Variants in PLXNA4 observed in about 807,000 individuals in gnomAD.
The protein encoded by PLXNA4 is plexin-A4.
A neutral mutation model predicts 191.8 loss-of-function variants in PLXNA4; 44 were observed. The ratio of observed to expected loss-of-function variants is 0.23; its 90% CI spans 0.18 to 0.29. The LOEUF is 0.29. Among genes scored for constraint, PLXNA4 ranks in the 10% least tolerant of loss-of-function variants. The pLI is 1.00. For missense variants in PLXNA4, 1,800 were observed against 2,488.8 expected, an observed-to-expected ratio of 0.72 and a Z score of 5.89; for synonymous variants, 1,082 against 1,009.5, an observed-to-expected ratio of 1.07 and a Z score of -1.36.
intron 2 of PLXNA4, among the ~76,000 whole-genome samples, chr7:132,590,438 G>A (rs1650722716): frequency 6.6e-6 from 1 of 152,204 alleles, no homozygotes; most frequent in South Asian, 2.1e-4. Context: ...TAGGCCATCT[G>A]CAAGTTGAGG....
intron 25 of PLXNA4, among the ~76,000 whole-genome samples, chr7:132,155,287 C>A (rs1004466259): frequency 9.2e-5 from 14 of 152,164 alleles, no homozygotes; most frequent in African/African-American, 2.7e-4. Flanking sequence ...AACCTGGGCC[C>A]AGGCACTGTG....
At chr7:132,259,026 A>G (rs1799529008) in intron 4 of PLXNA4, among the ~76,000 whole-genome samples, 1 of 152,168 alleles carries the variant, frequency 6.6e-6, no homozygotes, top group South Asian at 2.1e-4. Context: ...TGCCACGGTA[A>G]TCTAATCATA....
intron 3 of PLXNA4, among the ~76,000 whole-genome samples, chr7:132,398,211 T>C (rs1793838598): frequency 6.6e-6 from 1 of 152,208 alleles, no homozygotes; most frequent in African/African-American, 2.4e-5. Context: ...CTTCATGGAA[T>C]GAGATGATCC....
At chr7:132,232,839 G>A (rs572517333) in intron 5 of PLXNA4, among the ~76,000 whole-genome samples, 6 of 152,238 alleles carry the variant, frequency 3.9e-5, no homozygotes, top group Admixed American at 6.5e-5. Flanking sequence ...ATTAACTCCC[G>A]GTGCCGCTGG....
At chr7:132,379,361 G>C (rs1247211342) in intron 3 of PLXNA4, among the ~76,000 whole-genome samples, 1 of 152,186 alleles carries the variant, frequency 6.6e-6, no homozygotes, top group Admixed American at 6.5e-5. Flanking sequence ...CCACGCAAGG[G>C]AGAACCAGGA....
intron 5 of PLXNA4, among the ~76,000 whole-genome samples, chr7:132,236,296 C>A (rs1398668096): frequency 2.0e-5 from 3 of 152,176 alleles, no homozygotes; most frequent in African/African-American, 7.2e-5. Flanking sequence ...CTCTTGCTGT[C>A]TCTGTCTGTC....
At chr7:132,499,667 G>T (rs931067074) in intron 2 of PLXNA4, among the ~76,000 whole-genome samples, 3 of 152,130 alleles carry the variant, frequency 2.0e-5, no homozygotes, top group African/African-American at 7.2e-5. Flanking sequence ...GGAAGCAGTG[G>T]CCCTGCTCCC....
chr7:132,183,610 G>A (rs6969478), intron 16 of PLXNA4, among the ~76,000 whole-genome samples: 6,470 of 152,266 alleles, frequency 0.042, 149 homozygotes, highest in Middle Eastern at 0.065. Flanking sequence ...TGTGAATTTC[G>A]CAGAGAGTTG....
At chr7:132,181,106 G>A (rs1796686772) in intron 18 of PLXNA4, among the ~76,000 whole-genome samples, 2 of 152,196 alleles carry the variant, frequency 1.3e-5, no homozygotes, top group South Asian at 4.1e-4. Flanking sequence ...GAAGCAGTGA[G>A]CCTGACCTGC....
intron 3 of PLXNA4, among the ~76,000 whole-genome samples, chr7:132,308,324 A>G (rs962638157): frequency 6.6e-6 from 1 of 152,140 alleles, no homozygotes; most frequent in South Asian, 2.1e-4. Flanking sequence ...CAGAGCCACA[A>G]CTTCTTTGGA....
intron 3 of PLXNA4, among the ~76,000 whole-genome samples, chr7:132,407,044 G>A (rs934018101): frequency 1.3e-5 from 2 of 152,164 alleles, no homozygotes; most frequent in Non-Finnish European, 2.9e-5. Flanking sequence ...GCCTTATGGA[G>A]TCTGGGATAG....
chr7:132,266,026 G>A (rs1000182707), intron 4 of PLXNA4, among the ~76,000 whole-genome samples: 1 of 152,178 alleles, frequency 6.6e-6, no homozygotes, highest in African/African-American at 2.4e-5. Flanking sequence ...CAGTATCAAT[G>A]TGTGGCTCAG....
At chr7:132,257,958 T>C (rs1299879759) in intron 4 of PLXNA4, among the ~76,000 whole-genome samples, 1 of 152,252 alleles carries the variant, frequency 6.6e-6, no homozygotes, top group Non-Finnish European at 1.5e-5. Flanking sequence ...CAAAGGCATC[T>C]TTGGCTAGCA....
chr7:132,162,697 CG>C (rs1562890646), intron 24 of PLXNA4, among the ~76,000 whole-genome samples: 1 of 152,062 alleles, frequency 6.6e-6, no homozygotes, highest in Non-Finnish European at 1.5e-5. Context: ...TCCAAGCAGA[CG>C]GTAACTGCCA....
At chr7:132,247,887 G>A (rs928206100) in intron 4 of PLXNA4, among the ~76,000 whole-genome samples, 1 of 152,188 alleles carries the variant, frequency 6.6e-6, no homozygotes, top group African/African-American at 2.4e-5. Flanking sequence ...TTCTGAACCT[G>A]GCTAACAGGT....
At chr7:132,135,816 G>T (rs1006885790) in intron 30 of PLXNA4, among the ~76,000 whole-genome samples, 8 of 152,146 alleles carry the variant, frequency 5.3e-5, no homozygotes, top group African/African-American at 1.9e-4. Context: ...CTCAGGTCAG[G>T]TCCTTGCTGG....
At chr7:132,521,616 G>A (rs1799188253) in intron 1 of PLXNA4, among the ~76,000 whole-genome samples, 1 of 152,104 alleles carries the variant, frequency 6.6e-6, no homozygotes, top group African/African-American at 2.4e-5. Flanking sequence ...CCTGACCCCT[G>A]GACTGTGATG....
At chr7:132,182,482 G>T (rs150076071) in intron 16 of PLXNA4, among the ~76,000 whole-genome samples, 5 of 152,128 alleles carry the variant, frequency 3.3e-5, no homozygotes, top group African/African-American at 9.7e-5. Context: ...GCTCTCCAAG[G>T]CCTCTTGATT....
At chr7:132,224,536 G>A (rs1277561655) in intron 8 of PLXNA4, among the ~76,000 whole-genome samples, 2 of 152,180 alleles carry the variant, frequency 1.3e-5, no homozygotes, top group African/African-American at 4.8e-5. Flanking sequence ...TCTTTGTGTT[G>A]CATTGATTTT....
Sources: gnomAD v4.1 joint callset for allele counts (sites outside exome capture counted in the v4.1 genomes callset) on GRCh38, gnomAD v4.1.1 for gene constraint, MANE v1.5 for transcripts, NCBI Gene and HGNC (gene_info 2026-07-23, HGNC 2026-07-21) for gene names.